Variants in CCDC7 observed in about 807,000 individuals in gnomAD.
The protein encoded by CCDC7 is coiled-coil domain-containing protein 7.
In CCDC7, 183 loss-of-function variants were observed where a neutral mutation model predicts 196.9. The observed-to-expected ratio is 0.93, with a 90% CI of 0.82 to 1.05. The LOEUF (loss-of-function observed/expected upper bound fraction) is 1.05, where lower values mean the gene tolerates loss of function less well. CCDC7 is among the 50% of genes least tolerant of loss of function. CCDC7 has a pLI of 0.00. For synonymous variants in CCDC7, 525 were observed against 484.6 expected, an observed-to-expected ratio of 1.08 and a Z score of -1.10; for missense variants, 1,540 against 1,482.2, an observed-to-expected ratio of 1.04 and a Z score of -0.64.
chr10:32,519,967 C>G (rs571180031), intron 11 of CCDC7, among the ~76,000 whole-genome samples: 1 of 152,204 alleles, frequency 6.6e-6, no homozygotes, highest in South Asian at 2.1e-4. Context: ...TGAAAACATG[C>G]AATGTTTGTC....
intron 28 of CCDC7, among the ~76,000 whole-genome samples, chr10:32,756,632 C>T (rs1296903335): frequency 6.6e-6 from 1 of 152,192 alleles, no homozygotes; most frequent in Non-Finnish European, 1.5e-5. Context: ...CAACTGGTAC[C>T]AGCCACTGGA....
chr10:32,709,198 A>C (rs1005998897), intron 24 of CCDC7, among the ~76,000 whole-genome samples: 1 of 151,888 alleles, frequency 6.6e-6, no homozygotes, highest in Non-Finnish European at 1.5e-5. Context: ...GGAAACCATC[A>C]TTCTCAGCAA....
rs376967626 is a variant in CCDC7, at chr10:32,824,584, T to G, written c.3248T>G (p.Leu1083Ter). 13 of 1,610,776 alleles carry G rather than the reference T, an allele frequency of 8.1e-6. No individual in the cohort carries two copies. The African/African-American group carries it at 1.7e-4, about 22-fold the overall frequency. Residue 1083 changes from leucine (L) to a stop codon, truncating the protein, a stop_gained, in exon 32 of 42, where the codon TTA (leucine) becomes TGA (stop). Transcript: ENST00000639629. LOFTEE classifies it high-confidence loss of function. ...ATAAATGATGCAATTAAGACGCAGTTAAAGAGAAAGAGTTACCCTGGTAAG... is the reference window on the plus strand; with the variant it reads ...ATAAATGATGCAATTAAGACGCAGTGAAAGAGAAAGAGTTACCCTGGTAAG...
chr10:32,635,195 C>G (rs183552855), intron 20 of CCDC7, 37 bp downstream of exon 21: 1 of 397,000 alleles, frequency 2.5e-6, no homozygotes, highest in East Asian at 3.6e-5. Flanking sequence ...AAATTATTTT[C>G]AATTATATTA....
intron 14 of CCDC7, among the ~76,000 whole-genome samples, chr10:32,566,739 C>G (rs1194992738): frequency 6.6e-6 from 1 of 151,376 alleles, no homozygotes; most frequent in Non-Finnish European, 1.5e-5. Flanking sequence ...TAGTGAAACC[C>G]TGTCTCTATT....
chr10:32,538,427 A>T (rs2050865087), intron 11 of CCDC7, among the ~76,000 whole-genome samples: 5 of 152,126 alleles, frequency 3.3e-5, no homozygotes, highest in Admixed American at 3.3e-4. Context: ...TCATGCCATC[A>T]AACAGGGGTA....
chr10:32,574,384 T>C, intron 16 of CCDC7: 1 of 1,495,272 alleles, frequency 6.7e-7, no homozygotes, highest in South Asian at 1.4e-5. Context: ...ATTAAGCACA[T>C]GGCACAATAT....
chr10:32,504,744 C>T (rs1267400124), intron 9 of CCDC7, among the ~76,000 whole-genome samples: 1 of 152,044 alleles, frequency 6.6e-6, no homozygotes, highest in Non-Finnish European at 1.5e-5. Context: ...TTTCTAGTTT[C>T]AAATTATTGT....
intron 8 of CCDC7, among the ~76,000 whole-genome samples, chr10:32,483,466 G>A (rs2040377680): frequency 6.6e-6 from 1 of 152,200 alleles, no homozygotes; most frequent in Admixed American, 6.5e-5. Context: ...TCTGATGGTA[G>A]TTTCTTTTGC....
At chr10:32,639,902 C>T (rs2066405957) in intron 20 of CCDC7, among the ~76,000 whole-genome samples, 1 of 152,154 alleles carries the variant, frequency 6.6e-6, no homozygotes. Flanking sequence ...CAAGCGTGAG[C>T]CACTGCACCC....
At chr10:32,790,708 T>C (rs2082557276) in intron 29 of CCDC7, among the ~76,000 whole-genome samples, 1 of 152,188 alleles carries the variant, frequency 6.6e-6, no homozygotes, top group Non-Finnish European at 1.5e-5. Flanking sequence ...TGCTTCATTC[T>C]GATTCACAGG....
chr10:32,841,933 T>C (rs1459802877), intron 33 of CCDC7, among the ~76,000 whole-genome samples: 2 of 151,704 alleles, frequency 1.3e-5, no homozygotes, highest in Non-Finnish European at 3.0e-5. Context: ...GATCCTCATC[T>C]CTCTATGCAA....
chr10:32,672,093 T>C (rs2140783947), intron 21 of CCDC7, among the ~76,000 whole-genome samples: 1 of 152,136 alleles, frequency 6.6e-6, no homozygotes, highest in South Asian at 2.1e-4. Flanking sequence ...AGAACTGAGA[T>C]GTGAAGCACA....
At chr10:32,526,253 G>A (rs2048656537) in intron 11 of CCDC7, among the ~76,000 whole-genome samples, 1 of 152,122 alleles carries the variant, frequency 6.6e-6, no homozygotes, top group Admixed American at 6.5e-5. Context: ...AAAGCTCATG[G>A]TCTCTTCCTT....
intron 33 of CCDC7, among the ~76,000 whole-genome samples, chr10:32,836,400 C>T (rs1024470575): frequency 1.3e-5 from 2 of 152,050 alleles, no homozygotes; most frequent in Non-Finnish European, 2.9e-5. Context: ...TCCAAAATAT[C>T]CAAAATATCC....
chr10:32,607,106 A>G (rs1322633121), intron 18 of CCDC7, among the ~76,000 whole-genome samples: 5 of 152,090 alleles, frequency 3.3e-5, no homozygotes, highest in Non-Finnish European at 7.4e-5. Flanking sequence ...TGGTTGTTTA[A>G]AAGTATGTGG....
chr10:32,633,138 C>T (rs931891140), intron 18 of CCDC7, among the ~76,000 whole-genome samples: 1 of 152,094 alleles, frequency 6.6e-6, no homozygotes, highest in East Asian at 1.9e-4. Flanking sequence ...GAGCTGGTCT[C>T]CTCAATTTGC....
At chr10:32,448,418 A>G (rs1355307640), upstream of CCDC7, among the ~76,000 whole-genome samples, 1 of 152,084 alleles carries the variant, frequency 6.6e-6, no homozygotes, top group East Asian at 1.9e-4. Context: ...ATATTGAAAT[A>G]TCTGCATTTT....
At chr10:32,511,818 C>T in intron 9 of CCDC7, 1 of 930,216 alleles carries the variant, frequency 1.1e-6, no homozygotes, top group East Asian at 2.6e-5. Context: ...CGCGCCAGCT[C>T]TGCCCGCGCC....
Sources: gnomAD v4.1 joint callset for allele counts (sites outside exome capture counted in the v4.1 genomes callset) on GRCh38, gnomAD v4.1.1 for gene constraint, MANE v1.5 for transcripts, NCBI Gene and HGNC (gene_info 2026-07-23, HGNC 2026-07-21) for gene names.